The following PM20D2 variants were observed in gnomAD, a reference collection of about 807,000 sequenced individuals.
PM20D2 encodes the protein peptidase M20 domain containing 2.
Under a neutral mutation model 42.9 loss-of-function variants are expected in PM20D2, and 33 were observed. The ratio of observed to expected loss-of-function variants is 0.77; its 90% CI spans 0.58 to 1.03. The LOEUF (loss-of-function observed/expected upper bound fraction) is 1.03. Among genes scored for constraint, PM20D2 ranks in the 50% least tolerant of loss-of-function variants. The pLI is 0.00. For synonymous variants in PM20D2, 250 were observed against 228.2 expected, an observed-to-expected ratio of 1.10 and a Z score of -0.86; for missense variants, 548 against 557.0, an observed-to-expected ratio of 0.98 and a Z score of 0.16.
chr6:89,124,588 A>T, the PM20D2 span, among the ~76,000 whole-genome samples: 1 of 152,128 alleles, frequency 6.6e-6, no homozygotes, highest in Non-Finnish European at 1.5e-5. Flanking sequence ...ACCCAGGAAT[A>T]AAAAAAGCAA....
chr6:89,150,593 G>A (rs9451168), intron 2 of PM20D2, among the ~76,000 whole-genome samples: 38,072 of 135,764 alleles, frequency 0.28, 5,162 homozygotes, highest in Admixed American at 0.35. Flanking sequence ...AGACTGGAGT[G>A]CAGTGGCACG....
chr6:89,154,987 C>T (rs948996536), intron 4 of PM20D2, 85 bp downstream of exon 4: 2 of 1,204,674 alleles, frequency 1.7e-6, no homozygotes, highest in Non-Finnish European at 2.2e-6. Context: ...TAACTTGACT[C>T]TCTTATTTGG....
At chr6:89,130,478 C>T in the PM20D2 span, among the ~76,000 whole-genome samples, 11 of 152,222 alleles carry the variant, frequency 7.2e-5, no homozygotes, top group South Asian at 2.1e-4. Context: ...CAAATATATA[C>T]GCTTGTGTAA....
upstream of PM20D2, among the ~76,000 whole-genome samples, chr6:89,142,041 T>C (rs977458833): frequency 7.2e-6 from 1 of 138,948 alleles, no homozygotes; most frequent in South Asian, 2.3e-4. Context: ...TGGCTGGTTT[T>C]GAACCCCTGG....
chr6:89,148,151 C>A (rs1410375007), intron 1 of PM20D2, among the ~76,000 whole-genome samples: 1 of 151,582 alleles, frequency 6.6e-6, no homozygotes, highest in African/African-American at 2.4e-5. Flanking sequence ...CTAATTTTTG[C>A]ATTTTTTAGT....
chr6:89,144,867 G>A (rs1191735036), upstream of PM20D2, among the ~76,000 whole-genome samples: 1 of 152,192 alleles, frequency 6.6e-6, no homozygotes, highest in Non-Finnish European at 1.5e-5. Context: ...TGTTTTTAGA[G>A]CTGAGTTTTT....
the PM20D2 span, among the ~76,000 whole-genome samples, chr6:89,118,487 G>C: frequency 6.6e-6 from 1 of 152,140 alleles, no homozygotes; most frequent in Non-Finnish European, 1.5e-5. Flanking sequence ...GTTTTGTTCG[G>C]ATTTGTTTTT....
chr6:89,152,600 T>C (rs1341685594), intron 2 of PM20D2, among the ~76,000 whole-genome samples: 1 of 152,230 alleles, frequency 6.6e-6, no homozygotes, highest in Non-Finnish European at 1.5e-5. Context: ...TCAGAGGTTG[T>C]CTTAACCCAC....
chr6:89,147,051 T>C (rs925731804), intron 1 of PM20D2, among the ~76,000 whole-genome samples: 6 of 152,328 alleles, frequency 3.9e-5, no homozygotes, highest in African/African-American at 1.4e-4. Context: ...AATCTTTTGT[T>C]TGTGGCAGTC....
chr6:89,125,704 GC>G, the PM20D2 span, among the ~76,000 whole-genome samples: 7 of 150,714 alleles, frequency 4.6e-5, no homozygotes, highest in African/African-American at 1.7e-4. Context: ...AGTCTCTTGA[GC>G]CCAGTAGGCG....
At chr6:89,107,558 C>T in the PM20D2 span, among the ~76,000 whole-genome samples, 11 of 151,986 alleles carry the variant, frequency 7.2e-5, no homozygotes, top group South Asian at 1.9e-3. Flanking sequence ...GGTGAAACCC[C>T]GTCTCTACAA....
the PM20D2 span, among the ~76,000 whole-genome samples, chr6:89,118,429 C>T: frequency 6.6e-6 from 1 of 152,220 alleles, no homozygotes. Context: ...TGGTAGGCCT[C>T]CTGCCCCTCT....
At chr6:89,098,895 A>G in the PM20D2 span, 1 of 1,613,962 alleles carries the variant, frequency 6.2e-7, no homozygotes, top group Non-Finnish European at 8.5e-7. Flanking sequence ...CGCCTTGGTA[A>G]TGATTTGGAA....
the PM20D2 span, chr6:89,098,789 A>G: frequency 1.9e-6 from 3 of 1,613,734 alleles, no homozygotes; most frequent in African/African-American, 4.0e-5. Context: ...TGATTTTCCT[A>G]TTGACTTGGA....
chr6:89,126,064 C>T, the PM20D2 span, among the ~76,000 whole-genome samples: 14 of 150,210 alleles, frequency 9.3e-5, no homozygotes, highest in South Asian at 2.1e-4. Flanking sequence ...GCAGCCGGGG[C>T]GACAGAGTGA....
the PM20D2 span, among the ~76,000 whole-genome samples, chr6:89,111,355 A>G: frequency 6.6e-6 from 1 of 152,160 alleles, no homozygotes; most frequent in Non-Finnish European, 1.5e-5. Context: ...TTTTTGGTGC[A>G]AAGGTTCTGC....
At chr6:89,114,076 G>A in the PM20D2 span, among the ~76,000 whole-genome samples, 1 of 152,066 alleles carries the variant, frequency 6.6e-6, no homozygotes, top group Admixed American at 6.6e-5. Context: ...CCTGCTATTC[G>A]ATCTTAGGCA....
the PM20D2 span, among the ~76,000 whole-genome samples, chr6:89,139,349 A>G: frequency 6.6e-6 from 1 of 152,186 alleles, no homozygotes; most frequent in African/African-American, 2.4e-5. Flanking sequence ...CACCGTGATT[A>G]CATTCCTGTG....
the PM20D2 span, among the ~76,000 whole-genome samples, chr6:89,136,387 C>T: frequency 4.6e-5 from 7 of 151,192 alleles, no homozygotes; most frequent in South Asian, 4.1e-4. Flanking sequence ...TTTAAAATTT[C>T]CAACCAGAGG....
Sources: allele counts gnomAD v4.1 joint callset (sites outside exome capture counted in the v4.1 genomes callset), GRCh38; gene constraint gnomAD v4.1.1; transcripts MANE v1.5; gene names NCBI Gene and HGNC (gene_info 2026-07-23, HGNC 2026-07-21).